The following FRMD8 variants were observed in gnomAD, a reference collection of about 807,000 sequenced individuals.
FRMD8 encodes FERM domain containing 8, also known as FERM domain-containing protein 8.
Under a neutral mutation model 54.2 loss-of-function variants are expected in FRMD8, and 37 were observed. That is an observed-to-expected ratio of 0.68 (90% CI 0.53 to 0.90). The LOEUF (loss-of-function observed/expected upper bound fraction) is 0.90. Among genes scored for constraint, FRMD8 ranks in the 40% least tolerant of loss-of-function variants. FRMD8 has a pLI of 0.00. For synonymous variants in FRMD8, 246 were observed against 286.9 expected (o/e 0.86, Z 1.44); for missense variants, 585 against 653.7 (o/e 0.89, Z 1.15).
rs1855888510 is a variant in FRMD8, at chr11:65,393,749, G to A, written c.355+75G>A. 1.1e-5 allele frequency: 14 copies of A among 1,293,676 alleles called. No homozygotes were observed. In the South Asian group the frequency reaches 1.5e-4, roughly 14 times the overall value. 80.1% of individuals were successfully genotyped at this position (1,293,676 alleles called of 1,614,324 possible). A position where few individuals can be genotyped will look rare whatever the true frequency, so the allele number is the denominator to read the frequency against. On this transcript the variant is annotated intron_variant, in intron 4 of 10. Coordinates refer to ENST00000317568, the MANE Select transcript of FRMD8 (RefSeq NM_031904.5). ...ATCTCTGGCTCCCAGCCCAGCCAGG[G>A]CCCTGCCAGCAAGGAGCTGCCCTGG... is the stretch of plus-strand genomic sequence containing the variant.
rs1227681430 is a variant in FRMD8 at position 65,411,828 on chromosome 11, T to A, written c.*468T>A. The A allele has an allele frequency of 6.5e-6, 1 of 153,366 alleles. No individual in the cohort carries two copies. Among genetic ancestry groups the A allele is most frequent in the Non-Finnish European group, 1.5e-5 (1 of 68,862 alleles). 9.5% of individuals were successfully genotyped at this position (153,366 alleles called of 1,614,324 possible). A position where few individuals can be genotyped will look rare whatever the true frequency, so the allele number is the denominator to read the frequency against. ...TGACCAGTCTCCGTCTTCCTCCTGC[T>A]AGTGCTCCACCCCCCGGACTTGGAT... On this transcript the variant is annotated 3_prime_UTR_variant, in exon 11 of 11. Transcript: ENST00000317568.
At chr11:65,402,924 C>T (rs1410379776) in intron 9 of FRMD8, among the ~76,000 whole-genome samples, 2 of 151,050 alleles carry the variant, frequency 1.3e-5, no homozygotes, top group African/African-American at 4.9e-5. Flanking sequence ...TTTTTTGAAA[C>T]ACTCTTGCTC....
At chr11:65,379,614 T>C in the FRMD8 span, 3 of 1,532,284 alleles carry the variant, frequency 2.0e-6, no homozygotes, top group Admixed American at 3.9e-5. Context: ...CTCCCCTTTG[T>C]CCTCTCCACC....
chr11:65,394,019 G>T, intron 4 of FRMD8, 22 bp from the exon 5 acceptor site: 1 of 1,613,856 alleles, frequency 6.2e-7, no homozygotes, highest in Admixed American at 1.7e-5. Context: ...ATGCCCGGCA[G>T]TGACCCAGCC....
At chr11:65,396,312 G>C (rs1167511615) in intron 6 of FRMD8, among the ~76,000 whole-genome samples, 1 of 152,196 alleles carries the variant, frequency 6.6e-6, no homozygotes, top group East Asian at 1.9e-4. Flanking sequence ...CCTGTTCCTG[G>C]ATGGAGATGC....
At chr11:65,377,518 G>C in the FRMD8 span, 2 of 667,130 alleles carry the variant, frequency 3.0e-6, no homozygotes, top group Non-Finnish European at 3.7e-6. Context: ...GTCCCCTCGT[G>C]AGTGCTGTTC....
chr11:65,380,098 T>C, the FRMD8 span: 28 of 1,605,448 alleles, frequency 1.7e-5, 1 homozygote, highest in Non-Finnish European at 2.3e-5. Context: ...TCAGGTGAGA[T>C]CTTTCATTCC....
intron 3 of FRMD8, among the ~76,000 whole-genome samples, chr11:65,393,057 G>T (rs1255321917): frequency 6.6e-6 from 1 of 152,208 alleles, no homozygotes; most frequent in East Asian, 1.9e-4. Context: ...GCTGGGTTGC[G>T]TGTGGGCCAC....
At chr11:65,370,025 C>CT in the FRMD8 span, among the ~76,000 whole-genome samples, 1 of 150,984 alleles carries the variant, frequency 6.6e-6, no homozygotes, top group East Asian at 1.9e-4. Flanking sequence ...GAGTAAAACT[C>CT]TGTCTCCAAA....
At chr11:65,375,800 C>T in the FRMD8 span, 40 of 153,050 alleles carry the variant, frequency 2.6e-4, no homozygotes, top group Non-Finnish European at 4.5e-4. Context: ...CGGTGGCTCA[C>T]GCCTGTAATC....
rs940290117 is a variant in FRMD8, at chr11:65,405,026, A to G, written c.1234A>G (p.Ser412Gly). The G allele has an allele frequency of 1.1e-5, 18 of 1,613,344 alleles. No homozygotes were observed. Among genetic ancestry groups the G allele is most frequent in the African/African-American group, 5.3e-5 (4 of 74,958 alleles). Residue 412 changes from serine (S) to glycine (G), a missense_variant, in exon 10 of 11, where the codon AGC (serine) becomes GGC (glycine). Transcript: ENST00000317568. Reference protein sequence around the residue: ...KLRRQGSVVSSRIQHLSTIDY... With the variant: ...KLRRQGSVVSGRIQHLSTIDY... ...GCGGAGGCAGGGCAGTGTGGTGTCCAGCCGGATCCAGCATCTCTCCACCAT... is the reference window on the plus strand; with the variant it reads ...GCGGAGGCAGGGCAGTGTGGTGTCCGGCCGGATCCAGCATCTCTCCACCAT...
At chr11:65,380,809 A>G in the FRMD8 span, 6 of 334,518 alleles carry the variant, frequency 1.8e-5, no homozygotes, top group Admixed American at 8.1e-5. Flanking sequence ...TGCCACCCAG[A>G]AGCTGGGCTG....
intron 10 of FRMD8, among the ~76,000 whole-genome samples, chr11:65,405,998 C>A (rs1306996342): frequency 6.6e-6 from 1 of 151,450 alleles, no homozygotes; most frequent in Non-Finnish European, 1.5e-5. Context: ...ACGATGAGAC[C>A]CTATATATAT....
At chr11:65,375,339 C>T in the FRMD8 span, 1 of 152,406 alleles carries the variant, frequency 6.6e-6, no homozygotes, top group African/African-American at 2.4e-5. Context: ...GAAGCGCAGG[C>T]AAGTGCTATG....
upstream of FRMD8, chr11:65,382,147 A>G: frequency 1.6e-6 from 1 of 628,018 alleles, no homozygotes; most frequent in Non-Finnish European, 2.9e-6. The surrounding 1 kb of genome is among the most constrained non-coding windows in gnomAD (Gnocchi z 4.4). Flanking sequence ...GGCCACCTGG[A>G]GGAGTCGTGC....
chr11:65,376,482 G>C, the FRMD8 span: 1 of 1,614,192 alleles, frequency 6.2e-7, no homozygotes. Flanking sequence ...GGGCACTGTT[G>C]ATGGTGACCC....
At chr11:65,385,544 G>C (rs146294643), upstream of FRMD8, among the ~76,000 whole-genome samples, 1 of 152,158 alleles carries the variant, frequency 6.6e-6, no homozygotes, top group African/African-American at 2.4e-5. Context: ...CCCAGAAGGT[G>C]CCCCATGGAC....
At chr11:65,368,391 G>A in the FRMD8 span, among the ~76,000 whole-genome samples, 4 of 151,174 alleles carry the variant, frequency 2.6e-5, no homozygotes, top group Admixed American at 2.0e-4. Context: ...TTGTATTTTT[G>A]CAGAGACGGG....
At chr11:65,387,152 C>G in intron 2 of FRMD8, 31 bp downstream of exon 2, 1 of 1,561,770 alleles carries the variant, frequency 6.4e-7, no homozygotes, top group Non-Finnish European at 8.7e-7. Context: ...CTCTTCCACA[C>G]CCTCCTGGGA....
Sources: gnomAD v4.1 joint callset for allele counts (sites outside exome capture counted in the v4.1 genomes callset) on GRCh38, gnomAD v4.1.1 for gene constraint, Gnocchi (gnomAD v3.1) non-coding constraint, MANE v1.5 for transcripts, NCBI Gene and HGNC (gene_info 2026-07-23, HGNC 2026-07-21) for gene names.